PIGL: variants seen among roughly 807,000 people sequenced by gnomAD.
PIGL encodes N-acetylglucosaminyl-phosphatidylinositol de-N-acetylase.
PIGL carries 22 observed loss-of-function variants against 31.1 expected under a neutral mutation model. The ratio of observed to expected loss-of-function variants is 0.71; its 90% CI spans 0.51 to 1.01. The LOEUF (loss-of-function observed/expected upper bound fraction) is 1.01, where lower values mean the gene tolerates loss of function less well. Among genes scored for constraint, PIGL ranks in the 50% least tolerant of loss-of-function variants. PIGL has a pLI of 0.00. For missense variants in PIGL, 302 were observed against 315.9 expected (o/e 0.96, Z 0.33); for synonymous variants, 131 against 117.4 (o/e 1.12, Z -0.75).
chr17:16,295,785 T>C (rs1011285113), intron 2 of PIGL, among the ~76,000 whole-genome samples: 2 of 151,972 alleles, frequency 1.3e-5, no homozygotes, highest in South Asian at 4.2e-4. Flanking sequence ...CTACTAAAAA[T>C]ACAAAATTAG....
intron 6 of PIGL, among the ~76,000 whole-genome samples, chr17:16,322,509 CATG>C (rs566681648): frequency 1.3e-5 from 2 of 152,140 alleles, no homozygotes; most frequent in African/African-American, 2.4e-5. Flanking sequence ...TTTAGCTACA[CATG>C]ATAAGTTTTG....
intron 1 of PIGL, among the ~76,000 whole-genome samples, chr17:16,221,493 G>A (rs1442802611): frequency 3.4e-5 from 5 of 148,956 alleles, no homozygotes; most frequent in African/African-American, 7.5e-5. Flanking sequence ...ACTGTCGCCC[G>A]GGCTGGAGTG....
At chr17:16,297,587 C>G (rs1283904511) in intron 2 of PIGL, among the ~76,000 whole-genome samples, 2 of 152,164 alleles carry the variant, frequency 1.3e-5, no homozygotes, top group African/African-American at 4.8e-5. Flanking sequence ...TCTCTGTTCC[C>G]ATTGTCCATT....
chr17:16,290,725 G>A (rs912837956), intron 2 of PIGL, among the ~76,000 whole-genome samples: 54 of 151,956 alleles, frequency 3.6e-4, no homozygotes, highest in African/African-American at 1.2e-3. Flanking sequence ...TTCTCACCCA[G>A]GTTGCAGTAC....
At chr17:16,299,842 T>C in intron 2 of PIGL, 46 bp from the exon 3 acceptor site, 1 of 1,376,596 alleles carries the variant, frequency 7.3e-7, no homozygotes, top group Non-Finnish European at 1.0e-6. Flanking sequence ...GGGAGAAGGT[T>C]GTGCCTGATT....
chr17:16,286,859 T>C (rs2092940236), intron 2 of PIGL, among the ~76,000 whole-genome samples: 1 of 152,168 alleles, frequency 6.6e-6, no homozygotes, highest in East Asian at 1.9e-4. Context: ...CGAACCTGCC[T>C]GGATTCCTCA....
chr17:16,265,985 AG>A (rs1333461807), intron 2 of PIGL, among the ~76,000 whole-genome samples: 1 of 152,100 alleles, frequency 6.6e-6, no homozygotes, highest in African/African-American at 2.4e-5. Context: ...TCACCCAGAG[AG>A]GACTCTTCAT....
intron 6 of PIGL, among the ~76,000 whole-genome samples, chr17:16,321,928 G>T (rs1339628261): frequency 6.6e-6 from 1 of 151,814 alleles, no homozygotes; most frequent in African/African-American, 2.4e-5. Flanking sequence ...GGGATCACAG[G>T]CACACGCCAC....
In PIGL at chr17:16,241,566, T is replaced by G. The variant is rs573035828; in HGVS notation, c.335+7496T>G. On this transcript the variant is annotated intron_variant, in intron 2 of 6. Transcript: ENST00000225609. ...TGGGCAACAAGAGTGAAACTCTGTC[T>G]TAAAAAAAAAAAAGAAAATCTTTGG... Among the ~76,000 whole-genome samples, 23 of 151,570 alleles carry G rather than the reference T, an allele frequency of 1.5e-4. No homozygotes were observed. The South Asian group carries it at 2.7e-3, about 18-fold the overall frequency.
chr17:16,303,753 C>T (rs946685023), intron 3 of PIGL, among the ~76,000 whole-genome samples: 2 of 147,376 alleles, frequency 1.4e-5, no homozygotes, highest in African/African-American at 2.6e-5. Context: ...CTTGCTCTGT[C>T]GCCCAGGCTG....
chr17:16,221,218 A>G (rs1050874989), intron 1 of PIGL, among the ~76,000 whole-genome samples: 2 of 152,180 alleles, frequency 1.3e-5, no homozygotes, highest in African/African-American at 4.8e-5. Context: ...ATAAGGATGA[A>G]TTTATTAAAG....
chr17:16,300,134 C>T (rs2092998376), intron 3 of PIGL, 156 bp downstream of exon 3: 2 of 608,970 alleles, frequency 3.3e-6, no homozygotes, highest in East Asian at 2.8e-5. Context: ...CACCATTAAA[C>T]CTACTGAAGA....
At chr17:16,222,945 G>C (rs1457035011) in intron 1 of PIGL, among the ~76,000 whole-genome samples, 1 of 152,124 alleles carries the variant, frequency 6.6e-6, no homozygotes, top group Non-Finnish European at 1.5e-5. Flanking sequence ...CCAGTAGGTG[G>C]AGATTGCAGT....
chr17:16,278,594 T>C (rs1204214085), intron 2 of PIGL, among the ~76,000 whole-genome samples: 1 of 152,168 alleles, frequency 6.6e-6, no homozygotes, highest in African/African-American at 2.4e-5. Context: ...TTTTAGCTAA[T>C]ATGTTCACAC....
chr17:16,227,963 T>C (rs1052022826), intron 1 of PIGL, among the ~76,000 whole-genome samples: 1 of 152,108 alleles, frequency 6.6e-6, no homozygotes, highest in African/African-American at 2.4e-5. Flanking sequence ...AATTTCATAA[T>C]TGAAAGATTT....
Position 16,278,307 on chromosome 17 carries a change from T to C in PIGL, c.336-21581T>C, listed in dbSNP as rs117354625. 7.0e-4 allele frequency among the ~76,000 whole-genome samples: 107 copies of C among 152,308 alleles called. No homozygotes were observed. The East Asian group carries it at 0.02, about 29-fold the overall frequency. On this transcript the variant is annotated intron_variant, in intron 2 of 6. Transcript: ENST00000225609. ...CAGCACATGCCAGTGAGGATGGGTC[T>C]CAAACTCCTGAACTCAGGTGATCCA...
chr17:16,258,938 G>A (rs993558345), intron 2 of PIGL, among the ~76,000 whole-genome samples: 1 of 152,182 alleles, frequency 6.6e-6, no homozygotes, highest in Non-Finnish European at 1.5e-5. Flanking sequence ...GACAAATAAT[G>A]TTAGTGTCCA....
intron 2 of PIGL, among the ~76,000 whole-genome samples, chr17:16,270,380 G>T (rs1427351594): frequency 6.6e-6 from 1 of 151,588 alleles, no homozygotes; most frequent in African/African-American, 2.4e-5. Flanking sequence ...TCCTGCCCGT[G>T]TTCTAATTTT....
intron 2 of PIGL, among the ~76,000 whole-genome samples, chr17:16,264,534 C>T (rs1472055104): frequency 6.6e-6 from 1 of 152,040 alleles, no homozygotes; most frequent in Non-Finnish European, 1.5e-5. Context: ...CTAGAATGTC[C>T]TCACAAGGAG....
Sources: allele counts gnomAD v4.1 joint callset (sites outside exome capture counted in the v4.1 genomes callset), GRCh38; gene constraint gnomAD v4.1.1; transcripts MANE v1.5; gene names NCBI Gene and HGNC (gene_info 2026-07-23, HGNC 2026-07-21).